Variants in CSMD1 observed in about 807,000 individuals in gnomAD.
CSMD1 encodes the protein CUB and sushi domain-containing protein 1.
CSMD1 carries 213 observed loss-of-function variants against 417.5 expected under a neutral mutation model. That is an observed-to-expected ratio of 0.51 (90% confidence interval 0.46 to 0.57). The LOEUF (loss-of-function observed/expected upper bound fraction) is 0.57. Among genes scored for constraint, CSMD1 ranks in the 20% least tolerant of loss-of-function variants. CSMD1 has a pLI of 0.00. For synonymous variants in CSMD1, 2,862 were observed against 1,736.8 expected, an observed-to-expected ratio of 1.65 and a Z score of -16.11; for missense variants, 6,923 against 4,529.7, an observed-to-expected ratio of 1.53 and a Z score of -15.17.
rs184462057 is a variant in CSMD1, at chr8:4,740,234, C to G, written c.86-102676G>C. Among the ~76,000 whole-genome samples, 887 of 152,214 alleles carry G rather than the reference C, an allele frequency of 5.8e-3. 11 individuals are homozygous for G. Among genetic ancestry groups the G allele is most frequent in the African/African-American group, 0.02 (842 of 41,536 alleles). ...AGGAACAAGTGGAATCTTAGAATCTCTATGTGCAATTTCTGACATAATAAT... is the reference window on the plus strand; with the variant it reads ...AGGAACAAGTGGAATCTTAGAATCTGTATGTGCAATTTCTGACATAATAAT... On this transcript the variant is annotated intron_variant, in intron 1 of 69. Coordinates refer to ENST00000635120, the MANE Select transcript of CSMD1 (RefSeq NM_033225.6).
At chr8:3,136,745 G>T (rs768966237) in intron 41 of CSMD1, among the ~76,000 whole-genome samples, 1 of 152,142 alleles carries the variant, frequency 6.6e-6, no homozygotes, top group Non-Finnish European at 1.5e-5. Context: ...TTTCCTGAAA[G>T]TAACTGTGAA....
At chr8:4,095,518 C>T (rs1301476587) in intron 3 of CSMD1, among the ~76,000 whole-genome samples, 1 of 152,130 alleles carries the variant, frequency 6.6e-6, no homozygotes, top group African/African-American at 2.4e-5. Flanking sequence ...AGAATGTCCC[C>T]ACTAGTATCA....
intron 1 of CSMD1, among the ~76,000 whole-genome samples, chr8:4,910,529 G>T (rs1049773624): frequency 6.6e-6 from 1 of 152,112 alleles, no homozygotes; most frequent in African/African-American, 2.4e-5. Flanking sequence ...TGGTAAAAAC[G>T]ACAAGGAATC....
At chr8:2,975,635 T>C (rs1804849065) in intron 55 of CSMD1, among the ~76,000 whole-genome samples, 1 of 152,172 alleles carries the variant, frequency 6.6e-6, no homozygotes. Context: ...CAGTGAGACC[T>C]GAAACAGTGA....
At chr8:3,210,923 C>T (rs1797566603) in intron 30 of CSMD1, among the ~76,000 whole-genome samples, 1 of 152,010 alleles carries the variant, frequency 6.6e-6, no homozygotes, top group South Asian at 2.1e-4. Context: ...CTACTTTTAT[C>T]TCCCTCACAC....
intron 2 of CSMD1, among the ~76,000 whole-genome samples, chr8:4,420,744 C>T (rs922664491): frequency 6.6e-6 from 1 of 152,056 alleles, no homozygotes; most frequent in Non-Finnish European, 1.5e-5. Flanking sequence ...GTCTAGAGGG[C>T]AAACCAATGC....
At chr8:4,581,646 G>T (rs1045846414) in intron 2 of CSMD1, among the ~76,000 whole-genome samples, 7 of 152,192 alleles carry the variant, frequency 4.6e-5, no homozygotes, top group Admixed American at 3.9e-4. Context: ...AAAGTTAGTG[G>T]AAAGGGGAGT....
chr8:4,551,350 C>T (rs908811825), intron 2 of CSMD1, among the ~76,000 whole-genome samples: 7 of 152,136 alleles, frequency 4.6e-5, no homozygotes, highest in African/African-American at 2.4e-5. Flanking sequence ...CTTTGGTGTG[C>T]TGTGTACACC....
intron 5 of CSMD1, among the ~76,000 whole-genome samples, chr8:3,779,533 T>G (rs186847849): frequency 1.3e-5 from 2 of 152,308 alleles, no homozygotes; most frequent in East Asian, 3.9e-4. Flanking sequence ...CTCTGCTAAA[T>G]GAGCCATGCA....
At chr8:4,877,677 C>A (rs1026277123) in intron 1 of CSMD1, among the ~76,000 whole-genome samples, 2 of 152,064 alleles carry the variant, frequency 1.3e-5, no homozygotes, top group Non-Finnish European at 2.9e-5. Flanking sequence ...TTGAAACTAT[C>A]TCCCCTATTC....
At chr8:4,028,872 T>C (rs1797200435) in intron 4 of CSMD1, among the ~76,000 whole-genome samples, 1 of 152,234 alleles carries the variant, frequency 6.6e-6, no homozygotes, top group African/African-American at 2.4e-5. Flanking sequence ...TAAATTTTTC[T>C]TAGGAAAGTC....
At chr8:4,351,366 G>C (rs149945322) in intron 3 of CSMD1, among the ~76,000 whole-genome samples, 2 of 152,122 alleles carry the variant, frequency 1.3e-5, no homozygotes, top group African/African-American at 4.8e-5. Context: ...CTCCTTATTC[G>C]TCTTGTTCTC....
chr8:3,791,153 G>A (rs964583676), intron 5 of CSMD1, among the ~76,000 whole-genome samples: 13 of 152,056 alleles, frequency 8.5e-5, no homozygotes, highest in African/African-American at 2.9e-4. Context: ...TATTCTTCTA[G>A]GTTATTACTT....
At chr8:3,619,172 T>G (rs1313908938) in intron 7 of CSMD1, among the ~76,000 whole-genome samples, 1 of 152,076 alleles carries the variant, frequency 6.6e-6, no homozygotes. Context: ...TTAATATGTT[T>G]AAAAGCAGCT....
rs73658470 is a variant in CSMD1, at chr8:4,195,108, C to G, written c.416-163009G>C. ...TGCCCATGAAATTGGAAACAGAAAC[C>G]AGATGAAACATTTTAAAGGAAAAAT... On this transcript the variant is annotated intron_variant, in intron 3 of 69. Transcript: ENST00000635120. Among the ~76,000 whole-genome samples, 1,039 of 152,268 alleles carry G rather than the reference C, an allele frequency of 6.8e-3. 14 individuals carry two copies. Among genetic ancestry groups the G allele is most frequent in the African/African-American group, 0.024 (1,006 of 41,544 alleles).
intron 3 of CSMD1, among the ~76,000 whole-genome samples, chr8:4,323,818 C>A (rs1258448914): frequency 1.3e-5 from 2 of 152,164 alleles, no homozygotes; most frequent in Non-Finnish European, 2.9e-5. Flanking sequence ...TGGGCAGCTC[C>A]TAATAACCTC....
chr8:2,954,750 G>C (rs1247130117), intron 64 of CSMD1, among the ~76,000 whole-genome samples: 3 of 152,136 alleles, frequency 2.0e-5, no homozygotes, highest in African/African-American at 4.8e-5. Context: ...TTAGATTTAC[G>C]TCATAATTTC....
chr8:3,492,408 G>A (rs1818434589), intron 11 of CSMD1, among the ~76,000 whole-genome samples: 1 of 152,128 alleles, frequency 6.6e-6, no homozygotes, highest in Non-Finnish European at 1.5e-5. Context: ...ATCCTCAGTA[G>A]TATATAAGTA....
intron 49 of CSMD1, among the ~76,000 whole-genome samples, chr8:3,084,367 C>CA (rs1814362131): frequency 2.0e-5 from 3 of 151,276 alleles, no homozygotes; most frequent in Admixed American, 2.0e-4. Context: ...CTACTAAATA[C>CA]AAAAAATTAG....
Sources: allele counts gnomAD v4.1 joint callset (sites outside exome capture counted in the v4.1 genomes callset), GRCh38; gene constraint gnomAD v4.1.1; transcripts MANE v1.5; gene names NCBI Gene and HGNC (gene_info 2026-07-23, HGNC 2026-07-21).